The following HNF4G variants were observed in gnomAD, a reference collection of about 807,000 sequenced individuals.
HNF4G encodes hepatocyte nuclear factor 4 gamma, also known as hepatocyte nuclear factor 4-gamma.
HNF4G carries 21 observed loss-of-function variants against 50.9 expected under a neutral mutation model. The ratio of observed to expected loss-of-function variants is 0.41; its 90% confidence interval spans 0.29 to 0.59. HNF4G has a LOEUF of 0.59. Ranked by LOEUF, HNF4G falls within the 20% of genes least tolerant of loss-of-function variation. HNF4G has a pLI of 0.26. For synonymous variants in HNF4G, 198 were observed against 185.6 expected (o/e 1.07, Z -0.54); for missense variants, 527 against 559.4 (o/e 0.94, Z 0.58).
At chr8:75,476,183 G>C (rs947597641) in intron 1 of HNF4G, among the ~76,000 whole-genome samples, 1 of 151,622 alleles carries the variant, frequency 6.6e-6, no homozygotes, top group Non-Finnish European at 1.5e-5. Flanking sequence ...TTAAAAGTTA[G>C]AACATGTGGT....
In HNF4G at chr8:75,468,343, C is replaced by T. The variant is rs114568423; in HGVS notation, c.-143-21746C>T. On this transcript the variant is annotated intron_variant, in intron 1 of 10. Transcript: ENST00000354370. ...AGGTCACTTAGGTATTTCTCAAGAA[C>T]CATGCTTAGTCTGCATCTCCCACTT... Among the ~76,000 whole-genome samples the T allele has an allele frequency of 8.1e-3, 1,239 of 152,190 alleles. 15 individuals carry two copies. The highest frequency in any genetic ancestry group is 0.028 in the African/African-American group (1,171 of 41,522).
At chr8:75,537,149 G>T (rs1417540453), upstream of HNF4G, among the ~76,000 whole-genome samples, 1 of 152,138 alleles carries the variant, frequency 6.6e-6, no homozygotes, top group African/African-American at 2.4e-5. Flanking sequence ...CCTAGTGTAT[G>T]ACTGCCATTT....
intron 3 of HNF4G, among the ~76,000 whole-genome samples, chr8:75,549,872 T>A (rs898130009): frequency 2.8e-4 from 42 of 152,204 alleles, no homozygotes; most frequent in Admixed American, 2.4e-3. Flanking sequence ...TGGTTTTTTG[T>A]CCTTGTGATA....
At chr8:75,472,526 G>A (rs1482003544) in intron 1 of HNF4G, among the ~76,000 whole-genome samples, 1 of 152,186 alleles carries the variant, frequency 6.6e-6, no homozygotes, top group Non-Finnish European at 1.5e-5. Flanking sequence ...GCTAAGACTA[G>A]AACTCAGTCG....
At chr8:75,422,838 G>A (rs1039059239) in intron 1 of HNF4G, among the ~76,000 whole-genome samples, 1 of 152,080 alleles carries the variant, frequency 6.6e-6, no homozygotes, top group East Asian at 1.9e-4. Context: ...GTTTCACCGT[G>A]TTAGCCAGTA....
chr8:75,483,075 G>T (rs1415352795), intron 1 of HNF4G, among the ~76,000 whole-genome samples: 1 of 152,020 alleles, frequency 6.6e-6, no homozygotes. Context: ...ACATGCGCAG[G>T]TATCATAAAA....
intron 2 of HNF4G, among the ~76,000 whole-genome samples, chr8:75,545,852 A>T (rs1806762954): frequency 6.6e-6 from 1 of 152,050 alleles, no homozygotes; most frequent in African/African-American, 2.4e-5. Flanking sequence ...TAATATGTGT[A>T]TTCAATTTTT....
intron 1 of HNF4G, among the ~76,000 whole-genome samples, chr8:75,462,639 A>G (rs1055974785): frequency 6.6e-6 from 1 of 152,238 alleles, no homozygotes; most frequent in Non-Finnish European, 1.5e-5. Context: ...TAATATGTCA[A>G]TATAATTTAG....
At chr8:75,497,708 A>G (rs1304878988) in intron 2 of HNF4G, among the ~76,000 whole-genome samples, 2 of 151,862 alleles carry the variant, frequency 1.3e-5, no homozygotes, top group African/African-American at 2.4e-5. Flanking sequence ...AAAAAAATAG[A>G]TAAAATGGTT....
intron 1 of HNF4G, among the ~76,000 whole-genome samples, chr8:75,433,242 A>G (rs1811056624): frequency 6.6e-6 from 1 of 151,990 alleles, no homozygotes; most frequent in Non-Finnish European, 1.5e-5. Flanking sequence ...TCTTTGCAGA[A>G]GAGAAAAAGA....
rs79108270 is a variant in HNF4G, at chr8:75,533,204, T to C, written c.-23-10607T>C. On this transcript the variant is annotated intron_variant, in intron 2 of 10. Transcript: ENST00000354370. ...GCATTTCCTGGGTGACATACAGTAT[T>C]CTAGGAACTGCAGACAAAATAGTAA... is the stretch of plus-strand genomic sequence containing the variant. Among the ~76,000 whole-genome samples, 703 of 152,116 alleles carry C rather than the reference T, an allele frequency of 4.6e-3. 5 individuals are homozygous for C. The highest frequency in any genetic ancestry group is 0.015 in the African/African-American group (619 of 41,556).
intron 1 of HNF4G, among the ~76,000 whole-genome samples, chr8:75,441,041 A>C (rs2130546234): frequency 6.6e-6 from 1 of 151,998 alleles, no homozygotes; most frequent in Non-Finnish European, 1.5e-5. Context: ...TTTTTTGTAG[A>C]GATAAGGTTT....
intron 2 of HNF4G, among the ~76,000 whole-genome samples, chr8:75,520,201 A>C (rs948073578): frequency 1.9e-4 from 29 of 152,104 alleles, no homozygotes; most frequent in African/African-American, 6.5e-4. Flanking sequence ...CAACCATATA[A>C]TTGTTTGTAT....
chr8:75,534,998 G>A (rs34582181), upstream of HNF4G, among the ~76,000 whole-genome samples: 7 of 150,968 alleles, frequency 4.6e-5, no homozygotes, highest in African/African-American at 2.4e-5. Flanking sequence ...TAATAACTTC[G>A]GTTTAAATGT....
chr8:75,464,542 T>C (rs928766007), intron 1 of HNF4G, among the ~76,000 whole-genome samples: 5 of 152,300 alleles, frequency 3.3e-5, no homozygotes, highest in Admixed American at 2.0e-4. Context: ...ATTCAGAATG[T>C]GTGGCCTCTT....
At chr8:75,508,284 A>T (rs894980756) in intron 2 of HNF4G, among the ~76,000 whole-genome samples, 1 of 152,024 alleles carries the variant, frequency 6.6e-6, no homozygotes, top group Non-Finnish European at 1.5e-5. Context: ...GCTGGGCACA[A>T]GCCTTGAACA....
At chr8:75,456,367 A>G (rs1313707754) in intron 1 of HNF4G, among the ~76,000 whole-genome samples, 4 of 152,176 alleles carry the variant, frequency 2.6e-5, no homozygotes, top group African/African-American at 7.2e-5. Flanking sequence ...AAATTTAGGG[A>G]ATAGTATAAG....
chr8:75,421,777 G>A (rs1453179191), intron 1 of HNF4G, among the ~76,000 whole-genome samples: 2 of 152,134 alleles, frequency 1.3e-5, no homozygotes, highest in Non-Finnish European at 2.9e-5. Flanking sequence ...AAGTTTGCAG[G>A]TGCTGCTCCT....
intron 1 of HNF4G, among the ~76,000 whole-genome samples, chr8:75,469,181 T>G (rs1364058637): frequency 6.6e-6 from 1 of 152,050 alleles, no homozygotes; most frequent in Non-Finnish European, 1.5e-5. Flanking sequence ...AGATCCCAGG[T>G]GCACAAGAGA....
Sources: allele counts gnomAD v4.1 joint callset (sites outside exome capture counted in the v4.1 genomes callset), GRCh38; gene constraint gnomAD v4.1.1; transcripts MANE v1.5; gene names NCBI Gene and HGNC (gene_info 2026-07-23, HGNC 2026-07-21).